Variants in PPARGC1A observed in about 807,000 individuals in gnomAD.
The protein encoded by PPARGC1A is peroxisome proliferator-activated receptor gamma coactivator 1-alpha.
PPARGC1A carries 25 observed loss-of-function variants against 88.7 expected under a neutral mutation model. That is an observed-to-expected ratio of 0.28 (90% confidence interval 0.21 to 0.39). The LOEUF is 0.39. Among genes scored for constraint, PPARGC1A ranks in the 10% least tolerant of loss-of-function variants. The pLI is 1.00. For synonymous variants in PPARGC1A, 363 were observed against 355.6 expected (o/e 1.02, Z -0.24); for missense variants, 880 against 968.7 (o/e 0.91, Z 1.22).
intron 10 of PPARGC1A, among the ~76,000 whole-genome samples, chr4:23,807,809 C>T (rs948732057): frequency 6.6e-6 from 1 of 151,620 alleles, no homozygotes; most frequent in South Asian, 2.1e-4. Context: ...TTAAAGTGTA[C>T]AATAGCATAA....
At chr4:23,953,362 G>C in the PPARGC1A span, among the ~76,000 whole-genome samples, 1 of 152,026 alleles carries the variant, frequency 6.6e-6, no homozygotes, top group Admixed American at 6.6e-5. Flanking sequence ...GTATTACTCC[G>C]TACTATTCCT....
chr4:23,953,605 C>T, the PPARGC1A span, among the ~76,000 whole-genome samples: 1 of 152,130 alleles, frequency 6.6e-6, no homozygotes, highest in East Asian at 1.9e-4. Context: ...GCCAGGGTCT[C>T]ATTGCGCTGA....
At chr4:24,234,205 T>C in the PPARGC1A span, among the ~76,000 whole-genome samples, 1 of 152,192 alleles carries the variant, frequency 6.6e-6, no homozygotes, top group African/African-American at 2.4e-5. Flanking sequence ...AGTAAGAGTT[T>C]TCCCTGATTT....
At chr4:24,456,444 G>A in the PPARGC1A span, among the ~76,000 whole-genome samples, 1 of 152,200 alleles carries the variant, frequency 6.6e-6, no homozygotes, top group African/African-American at 2.4e-5. Context: ...TGAACAGTGA[G>A]TGAGCTTGAT....
chr4:24,429,513 C>T, the PPARGC1A span, among the ~76,000 whole-genome samples: 1 of 152,000 alleles, frequency 6.6e-6, no homozygotes, highest in Non-Finnish European at 1.5e-5. Flanking sequence ...ATAACTCTGC[C>T]TAAAAAGGGC....
the PPARGC1A span, among the ~76,000 whole-genome samples, chr4:24,371,805 G>A: frequency 6.7e-6 from 1 of 149,358 alleles, no homozygotes; most frequent in Admixed American, 6.7e-5. Flanking sequence ...AAAAAAATTG[G>A]GCAGGCATGG....
chr4:23,876,497 T>C (rs1367419093), intron 2 of PPARGC1A, among the ~76,000 whole-genome samples: 3 of 152,194 alleles, frequency 2.0e-5, no homozygotes, highest in Non-Finnish European at 2.9e-5. Flanking sequence ...GCTATGCATA[T>C]TGTGTGAGGA....
chr4:24,401,549 T>C, the PPARGC1A span, among the ~76,000 whole-genome samples: 1 of 152,184 alleles, frequency 6.6e-6, no homozygotes, highest in Non-Finnish European at 1.5e-5. Flanking sequence ...TGATGGTTAA[T>C]GTTTACTGAG....
chr4:23,925,324 C>G, the PPARGC1A span, among the ~76,000 whole-genome samples: 1 of 152,224 alleles, frequency 6.6e-6, no homozygotes, highest in African/African-American at 2.4e-5. Flanking sequence ...GTCTGCACAC[C>G]AATCCCCGCA....
the PPARGC1A span, among the ~76,000 whole-genome samples, chr4:23,933,921 G>A: frequency 1.6e-4 from 24 of 152,218 alleles, 1 homozygote; most frequent in East Asian, 5.8e-4. Context: ...AATGTGTCCT[G>A]TGTGTCTCCC....
At chr4:24,471,513 T>C in the PPARGC1A span, among the ~76,000 whole-genome samples, 3 of 152,146 alleles carry the variant, frequency 2.0e-5, no homozygotes, top group Non-Finnish European at 4.4e-5. The surrounding 1 kb of genome is among the most constrained non-coding windows in gnomAD (Gnocchi z 5.4). Flanking sequence ...TTTTCCTCTC[T>C]CTATTTCTCG....
chr4:24,072,817 G>T, the PPARGC1A span, among the ~76,000 whole-genome samples: 1 of 152,082 alleles, frequency 6.6e-6, no homozygotes, highest in Non-Finnish European at 1.5e-5. Context: ...TTAGAATTCT[G>T]CATTTGTGAA....
the PPARGC1A span, among the ~76,000 whole-genome samples, chr4:24,311,432 G>A: frequency 6.8e-6 from 1 of 147,022 alleles, no homozygotes; most frequent in Middle Eastern, 3.5e-3. Flanking sequence ...TCAGGAGATC[G>A]AGACCATCCT....
At chr4:23,939,157 A>G in the PPARGC1A span, among the ~76,000 whole-genome samples, 1 of 152,184 alleles carries the variant, frequency 6.6e-6, no homozygotes. Context: ...ACATGACTAC[A>G]TCTTATTTTT....
At chr4:24,230,028 T>C in the PPARGC1A span, among the ~76,000 whole-genome samples, 11 of 152,184 alleles carry the variant, frequency 7.2e-5, no homozygotes, top group Non-Finnish European at 1.3e-4. Flanking sequence ...ACTCTATGGC[T>C]GCCCAGCTCC....
At chr4:24,437,594 T>C in the PPARGC1A span, among the ~76,000 whole-genome samples, 3 of 143,844 alleles carry the variant, frequency 2.1e-5, no homozygotes, top group African/African-American at 7.7e-5. Context: ...GCACAGGTTT[T>C]TTGTTGTTGT....
chr4:24,110,258 G>A, the PPARGC1A span, among the ~76,000 whole-genome samples: 1 of 152,134 alleles, frequency 6.6e-6, no homozygotes, highest in Non-Finnish European at 1.5e-5. Flanking sequence ...TAACCCAAAT[G>A]TAGTTTAAAA....
chr4:24,459,712 C>A, the PPARGC1A span, among the ~76,000 whole-genome samples: 2 of 152,160 alleles, frequency 1.3e-5, no homozygotes, highest in Non-Finnish European at 2.9e-5. Flanking sequence ...CTTGCTTGAG[C>A]CCCAAGAGAT....
In PPARGC1A at chr4:23,814,572, G is replaced by T. The variant is rs200841362; in HGVS notation, c.911C>A (p.Ala304Asp). 1 of 1,607,466 alleles carries T rather than the reference G, an allele frequency of 6.2e-7. No individual in the cohort carries two copies. The highest frequency in any genetic ancestry group is 1.7e-5 in the Admixed American group (1 of 58,662). ...AGCCCTAAAAGGGTTATCTTGGTTGGCTTTATGAGGAGGAGTGGTGGGTGG... is the reference window on the plus strand; with the variant it reads ...AGCCCTAAAAGGGTTATCTTGGTTGTCTTTATGAGGAGGAGTGGTGGGTGG... ...LTPPTTPPHK[A>D]NQDNPFRASP... The change falls in exon 8 of 13, where the codon GCC becomes GAC. Residue 304 changes from alanine (A) to aspartate (D), a missense_variant. Transcript: ENST00000264867.
Sources: gnomAD v4.1 joint callset for allele counts (sites outside exome capture counted in the v4.1 genomes callset) on GRCh38, gnomAD v4.1.1 for gene constraint, Gnocchi (gnomAD v3.1) non-coding constraint, MANE v1.5 for transcripts, NCBI Gene and HGNC (gene_info 2026-07-23, HGNC 2026-07-21) for gene names.